MATN4: variants seen among roughly 807,000 people sequenced by gnomAD.
MATN4 encodes matrilin-4.
Under a neutral mutation model 54.6 loss-of-function variants are expected in MATN4, and 40 were observed. That is an observed-to-expected ratio of 0.73 (90% CI 0.57 to 0.95). The LOEUF is 0.95. Among genes scored for constraint, MATN4 ranks in the 40% least tolerant of loss-of-function variants. The pLI, the probability that MATN4 is intolerant of heterozygous loss-of-function variation, is 0.00. For missense variants in MATN4, 810 were observed against 819.1 expected (o/e 0.99, Z 0.13); for synonymous variants, 351 against 345.3 (o/e 1.02, Z -0.18).
chr20:45,296,606 G>A (rs921995224), intron 8 of MATN4, among the ~76,000 whole-genome samples: 1 of 152,054 alleles, frequency 6.6e-6, no homozygotes, highest in African/African-American at 2.4e-5. Context: ...TTACCGAAGA[G>A]AAAAGTTAAG....
rs1986040457 is a variant in MATN4, at chr20:45,298,824, CTAAAAGCATCTT to C, written c.1013-253_1013-242del. Among the ~76,000 whole-genome samples the C allele has an allele frequency of 6.6e-6, 1 of 152,184 alleles. No homozygotes were observed. Among genetic ancestry groups the C allele is most frequent in the South Asian group, 2.1e-4 (1 of 4,836 alleles). ...TCAGTGCTTAGAACAAACCACTCTG[CTAAAAGCATCTT>C]TTTTTAACAACAATCATAGTAATGA... On this transcript the variant is annotated intron_variant, in intron 6 of 9. Coordinates refer to ENST00000372756, the MANE Select transcript of MATN4 (RefSeq NM_001393530.1). This position sits in a 1 kb window ranked among gnomAD's most constrained non-coding sequence, Gnocchi z 4.6.
chr20:45,301,540 G>T, intron 3 of MATN4, 97 bp from the exon 4 acceptor site: 1 of 1,312,660 alleles, frequency 7.6e-7, no homozygotes, highest in Non-Finnish European at 1.0e-6. Flanking sequence ...CCTACGCCTG[G>T]GCCCCAACCC....
intron 8 of MATN4, among the ~76,000 whole-genome samples, chr20:45,295,486 C>G (rs1383475791): frequency 6.6e-6 from 1 of 152,196 alleles, no homozygotes; most frequent in Non-Finnish European, 1.5e-5. Flanking sequence ...CTCCTGGGTT[C>G]AAGTGATTCT....
Position 45,305,517 on chromosome 20 carries a change from C to G in MATN4, c.66G>C (p.Gln22His), listed in dbSNP as rs1044592691. Residue 22 changes from glutamine (Q) to histidine (H), a missense_variant, in exon 2 of 10, where the codon CAG (glutamine) becomes CAC (histidine). Physicochemically the swap from Gln to His is conservative, Grantham distance 24. Transcript: ENST00000372756. ...LLLQPWETQLQLTGPRCHTGP... is the reference protein window; with the variant it reads ...LLLQPWETQLHLTGPRCHTGP... ...GGCTGGGCCCCAGTTCACCTGTCAA[C>G]TGGAGCTGGGTTTCCCAGGGCTGAA... 16 of 1,554,570 alleles carry G rather than the reference C, an allele frequency of 1.0e-5. No individual in the cohort carries two copies. The African/African-American group carries it at 2.1e-4, about 20-fold the overall frequency.
chr20:45,299,969 G>A (rs895473932), intron 6 of MATN4, among the ~76,000 whole-genome samples: 23 of 73,898 alleles, frequency 3.1e-4, no homozygotes, highest in African/African-American at 1.2e-3. Context: ...GTGTGGGTGT[G>A]TGTGTGTAGG....
chr20:45,308,093 T>A lies in MATN4; in HGVS notation c.-35+82A>T, dbSNP rs546116902. The A allele has an allele frequency of 4.0e-5, 54 of 1,341,466 alleles. 1 individual carries two copies. The South Asian group carries it at 6.2e-4, about 16-fold the overall frequency. The allele number at this position is 1,341,466 out of a possible 1,614,324, so 83.1% of individuals were successfully genotyped here. On this transcript the variant is annotated intron_variant, in intron 1 of 9. Coordinates refer to ENST00000372756, the MANE Select transcript of MATN4 (RefSeq NM_001393530.1). ...CAGATAGGGCACCCTAGGCAGCGTC[T>A]CTGCTAAAATACACTCGCCTGACCT... is the stretch of plus-strand genomic sequence containing the variant.
chr20:45,307,633 C>T (rs1009236604), intron 1 of MATN4, among the ~76,000 whole-genome samples: 1 of 152,196 alleles, frequency 6.6e-6, no homozygotes, highest in Non-Finnish European at 1.5e-5. Flanking sequence ...TTGGTCTGAG[C>T]CAACTTCTCA....
chr20:45,293,617 A>C lies in MATN4; in HGVS notation c.*150T>G. On this transcript the variant is annotated 3_prime_UTR_variant, in exon 10 of 10. Transcript: ENST00000372756. ...CTAATGGTCCGGGCGAGGCCAACTC[A>C]GCTCAATGCCGGAAGCCCGCCAGCG... is the stretch of plus-strand genomic sequence containing the variant. The C allele has an allele frequency of 1.5e-6, 1 of 679,084 alleles. No homozygotes were observed. The highest frequency in any genetic ancestry group is 2.3e-6 in the Non-Finnish European group (1 of 426,414). The allele number at this position is 679,084 out of a possible 1,614,324, so 42.1% of individuals were successfully genotyped here. A position where few individuals can be genotyped will look rare whatever the true frequency, so the allele number is the denominator to read the frequency against.
chr20:45,302,290 T>G (rs1281484373), intron 3 of MATN4, among the ~76,000 whole-genome samples: 1 of 151,990 alleles, frequency 6.6e-6, no homozygotes, highest in African/African-American at 2.4e-5. Flanking sequence ...AAGCCAACTT[T>G]TAGTTTCTAG....
chr20:45,295,850 A>G (rs1985783426), intron 8 of MATN4, among the ~76,000 whole-genome samples: 1 of 152,170 alleles, frequency 6.6e-6, no homozygotes, highest in African/African-American at 2.4e-5. Flanking sequence ...AGCAGTACAT[A>G]AGGTAGTGAT....
At chr20:45,297,844 G>T in intron 8 of MATN4, 74 bp downstream of exon 8, 1 of 1,556,036 alleles carries the variant, frequency 6.4e-7, no homozygotes. Flanking sequence ...AGTGGGCAGG[G>T]AGTGAATAGG....
chr20:45,296,711 G>C (rs535897611), intron 8 of MATN4, among the ~76,000 whole-genome samples: 2 of 152,256 alleles, frequency 1.3e-5, no homozygotes, highest in African/African-American at 4.8e-5. Context: ...ATCTGAAAGA[G>C]CCACAATAAT....
intron 3 of MATN4, among the ~76,000 whole-genome samples, chr20:45,303,731 T>C (rs1208577854): frequency 6.6e-6 from 1 of 152,110 alleles, no homozygotes; most frequent in Non-Finnish European, 1.5e-5. Context: ...AGACACTCAA[T>C]TAGACACGTC....
At position 45,304,790 on chromosome 20, in the gene MATN4, C is replaced by T. The variant is rs149873439; in HGVS notation, c.81G>A (p.Arg27=). ...CCAGATCCAGGGGCCCAGTGTGACA[C>T]CTGGGACCTGCGGGGAGATCAGGGA... ...WETQLQLTGP[R]CHTGPLDLVF... is the part of the protein sequence containing the mutation. Residue 27 remains arginine (R), a synonymous_variant, in exon 3 of 10, where the codon AGG becomes AGA. Coordinates refer to ENST00000372756, the MANE Select transcript of MATN4 (RefSeq NM_001393530.1). 81 of 1,576,414 alleles carry T rather than the reference C, an allele frequency of 5.1e-5. No individual in the cohort carries two copies. The East Asian group carries it at 1.3e-3, about 26-fold the overall frequency.
Position 45,304,553 on chromosome 20 carries a change from A to C in MATN4, c.318T>G (p.Pro106=). ...DMERAIRDLV[P]LAQGTMTGLA... ...GTCCCGTCATGGTGCCTTGCGCCAG[A>C]GGCACCAGGTCGCGGATGGCGCGCT... is the stretch of plus-strand genomic sequence containing the variant. Residue 106 remains proline (P), a synonymous_variant, in exon 3 of 10, where the codon CCT becomes CCG. Transcript: ENST00000372756. 1 of 1,597,360 alleles carries C rather than the reference A, an allele frequency of 6.3e-7. No individual in the cohort carries two copies.
At chr20:45,307,415 C>T (rs979770336) in intron 1 of MATN4, among the ~76,000 whole-genome samples, 1 of 152,132 alleles carries the variant, frequency 6.6e-6, no homozygotes, top group Non-Finnish European at 1.5e-5. Flanking sequence ...CAGGGCCCGT[C>T]GTGGGAGGGT....
chr20:45,293,698 A>G lies in MATN4; in HGVS notation c.*69T>C, dbSNP rs1180543156. The G allele has an allele frequency of 3.9e-5, 55 of 1,425,600 alleles. No homozygotes were observed. In the South Asian group the frequency reaches 6.5e-4, roughly 17 times the overall value. 88.3% of individuals were successfully genotyped at this position (1,425,600 alleles called of 1,614,324 possible). A position where few individuals can be genotyped will look rare whatever the true frequency, so the allele number is the denominator to read the frequency against. The stretch of plus-strand genomic sequence containing the variant: ...CCCAGGTTCTGCCTGGCCCCGGCGC[A>G]CCGATGGCGCGCAAGGGGCACCGTC... On this transcript the variant is annotated 3_prime_UTR_variant, in exon 10 of 10. Transcript: ENST00000372756.
chr20:45,301,052 C>G (rs757385500), intron 5 of MATN4, 43 bp from the exon 6 acceptor site: 1 of 1,614,048 alleles, frequency 6.2e-7, no homozygotes, highest in Non-Finnish European at 8.5e-7. Flanking sequence ...ATGGACCCCA[C>G]CAGCTAAGAT....
intron 3 of MATN4, among the ~76,000 whole-genome samples, chr20:45,303,670 T>A (rs1349415425): frequency 6.6e-6 from 1 of 152,102 alleles, no homozygotes; most frequent in Non-Finnish European, 1.5e-5. Flanking sequence ...GTGAGAGGGC[T>A]TAGGGAAAGA....
Sources: gnomAD v4.1 joint callset for allele counts (sites outside exome capture counted in the v4.1 genomes callset) on GRCh38, gnomAD v4.1.1 for gene constraint, Gnocchi (gnomAD v3.1) non-coding constraint, MANE v1.5 for transcripts, NCBI Gene and HGNC (gene_info 2026-07-23, HGNC 2026-07-21) for gene names.